The following TP63 variants were observed in gnomAD, a reference collection of about 807,000 sequenced individuals.
The protein encoded by TP63 is tumor protein p63.
In TP63, 17 loss-of-function variants were observed where a neutral mutation model predicts 82.8. That is an observed-to-expected ratio of 0.21 (90% CI 0.14 to 0.31). The LOEUF is 0.31. TP63 is among the 10% of genes least tolerant of loss of function. TP63 has a pLI of 1.00. For synonymous variants in TP63, 330 were observed against 321.7 expected (o/e 1.03, Z -0.28); for missense variants, 648 against 895.3 (o/e 0.72, Z 3.52).
rs932948213 is a variant in TP63, at chr3:189,643,647, G to A, written c.62+12070G>A. ...GTTTTTTCCCTAATGTGGTACTTCA[G>A]CTCACCATCATTTCTTTCCATCTCT... On this transcript the variant is annotated intron_variant, in intron 1 of 13. Transcript: ENST00000264731. Among the ~76,000 whole-genome samples, 7 of 152,020 alleles carry A rather than the reference G, an allele frequency of 4.6e-5. No individual in the cohort carries two copies. The South Asian group carries it at 1.5e-3, about 32-fold the overall frequency.
At chr3:189,833,429 C>T (rs1712659770) in intron 4 of TP63, among the ~76,000 whole-genome samples, 1 of 152,216 alleles carries the variant, frequency 6.6e-6, no homozygotes, top group African/African-American at 2.4e-5. Context: ...AAGCCCAACA[C>T]CTCTTACCCA....
intron 4 of TP63, among the ~76,000 whole-genome samples, chr3:189,845,383 G>A (rs934179205): frequency 6.6e-6 from 1 of 152,076 alleles, no homozygotes; most frequent in African/African-American, 2.4e-5. Flanking sequence ...GGAGATCTTC[G>A]AGTAATTGTT....
At chr3:189,861,151 C>CT (rs1716989615) in intron 4 of TP63, among the ~76,000 whole-genome samples, 1 of 152,078 alleles carries the variant, frequency 6.6e-6, no homozygotes, top group Admixed American at 6.6e-5. Flanking sequence ...TCCTGCCTGC[C>CT]TCGGCCTCCC....
At chr3:189,683,484 C>T (rs1170635619) in intron 1 of TP63, among the ~76,000 whole-genome samples, 4 of 152,140 alleles carry the variant, frequency 2.6e-5, no homozygotes. Context: ...CTTTTAGAAA[C>T]AAATCTTTCT....
chr3:189,888,512 T>C (rs1327791146), intron 11 of TP63, among the ~76,000 whole-genome samples: 1 of 152,210 alleles, frequency 6.6e-6, no homozygotes, highest in East Asian at 1.9e-4. Flanking sequence ...TGTGATAGGG[T>C]ATGCTCTTTA....
At chr3:189,604,163 T>C in the TP63 span, among the ~76,000 whole-genome samples, 1 of 152,192 alleles carries the variant, frequency 6.6e-6, no homozygotes, top group Admixed American at 6.6e-5. Flanking sequence ...CCTCCTTGCG[T>C]GTCCATTCCA....
At chr3:189,703,993 T>C (rs1718014207) in intron 1 of TP63, among the ~76,000 whole-genome samples, 1 of 152,228 alleles carries the variant, frequency 6.6e-6, no homozygotes. Context: ...CACTTACACT[T>C]CAGTGTGAAT....
In TP63 at chr3:189,895,397, A is replaced by G. The variant is rs1721394692; in HGVS notation, c.*895A>G. 4.6e-6 allele frequency: 1 copy of G among 217,080 alleles called. No homozygotes were observed. The allele number at this position is 217,080 out of a possible 1,614,324, so 13.4% of individuals were successfully genotyped here. On this transcript the variant is annotated 3_prime_UTR_variant, in exon 14 of 14. Coordinates refer to ENST00000264731, the MANE Select transcript of TP63 (RefSeq NM_003722.5). ...TTAATACCAGATACCTTATCTTACA[A>G]TATTGATTGGGAAAACATTTGCTGC...
intron 1 of TP63, among the ~76,000 whole-genome samples, chr3:189,716,796 T>G (rs1718991641): frequency 6.6e-6 from 1 of 152,078 alleles, no homozygotes; most frequent in African/African-American, 2.4e-5. Context: ...TCAGAATCTC[T>G]TAGTATCTTT....
intron 4 of TP63, among the ~76,000 whole-genome samples, chr3:189,858,232 C>A (rs1440238577): frequency 1.7e-5 from 1 of 59,822 alleles, no homozygotes; most frequent in African/African-American, 8.9e-5. Flanking sequence ...GGTGAAACCC[C>A]GTCTCTACTA....
At chr3:189,775,709 G>T (rs567293021) in intron 3 of TP63, among the ~76,000 whole-genome samples, 1 of 152,156 alleles carries the variant, frequency 6.6e-6, no homozygotes, top group South Asian at 2.1e-4. Context: ...AAACATAGAA[G>T]TGAAAACTTT....
At chr3:189,623,844 C>T in the TP63 span, among the ~76,000 whole-genome samples, 47 of 104,590 alleles carry the variant, frequency 4.5e-4, no homozygotes, top group Non-Finnish European at 6.5e-5. Flanking sequence ...TTGGAAGACT[C>T]AGTATGTATT....
At chr3:189,764,754 C>A (rs2108544750) in intron 3 of TP63, among the ~76,000 whole-genome samples, 1 of 152,270 alleles carries the variant, frequency 6.6e-6, no homozygotes, top group East Asian at 1.9e-4. Context: ...TTATTCAAGT[C>A]ATTTCTCACC....
chr3:189,821,353 A>G (rs946927111), intron 4 of TP63, among the ~76,000 whole-genome samples: 2 of 152,226 alleles, frequency 1.3e-5, no homozygotes, highest in Admixed American at 1.3e-4. Flanking sequence ...TGATTCCTGC[A>G]TTCATACTGT....
intron 3 of TP63, among the ~76,000 whole-genome samples, chr3:189,794,196 T>C (rs1725456169): frequency 6.6e-6 from 1 of 152,066 alleles, no homozygotes; most frequent in Admixed American, 6.6e-5. Flanking sequence ...AAGAACTGAC[T>C]GACTCTTAAA....
At chr3:189,885,704 T>A (rs1210333693) in intron 10 of TP63, among the ~76,000 whole-genome samples, 1 of 152,222 alleles carries the variant, frequency 6.6e-6, no homozygotes, top group African/African-American at 2.4e-5. Context: ...TTTCTGTTGC[T>A]TTGTTTTTTT....
At chr3:189,762,809 A>G (rs1477770557) in intron 3 of TP63, among the ~76,000 whole-genome samples, 1 of 152,212 alleles carries the variant, frequency 6.6e-6, no homozygotes, top group Non-Finnish European at 1.5e-5. Context: ...ATCACTGCCT[A>G]CAACTTAGAG....
intron 10 of TP63, among the ~76,000 whole-genome samples, chr3:189,879,798 A>G (rs1719703756): frequency 2.0e-5 from 3 of 152,186 alleles, no homozygotes; most frequent in Admixed American, 2.0e-4. Flanking sequence ...AGGAAAATGC[A>G]TTTTTATAAG....
intron 3 of TP63, among the ~76,000 whole-genome samples, chr3:189,789,196 C>T (rs934481967): frequency 2.6e-5 from 4 of 152,006 alleles, no homozygotes; most frequent in Admixed American, 1.3e-4. Flanking sequence ...TTAAATGTAA[C>T]AGTGGATTTG....
Sources: gnomAD v4.1 joint callset for allele counts (sites outside exome capture counted in the v4.1 genomes callset) on GRCh38, gnomAD v4.1.1 for gene constraint, MANE v1.5 for transcripts, NCBI Gene and HGNC (gene_info 2026-07-23, HGNC 2026-07-21) for gene names.